FNIP2: variants seen among roughly 807,000 people sequenced by gnomAD.
The protein encoded by FNIP2 is folliculin interacting protein 2.
FNIP2 carries 32 observed loss-of-function variants against 108.7 expected under a neutral mutation model. The observed-to-expected ratio is 0.29, with a 90% confidence interval of 0.22 to 0.40. The LOEUF (loss-of-function observed/expected upper bound fraction) is 0.40. Among genes scored for constraint, FNIP2 ranks in the 10% least tolerant of loss-of-function variants. The pLI is 1.00. For synonymous variants in FNIP2, 480 were observed against 496.7 expected, an observed-to-expected ratio of 0.97 and a Z score of 0.45; for missense variants, 1,202 against 1,381.6, an observed-to-expected ratio of 0.87 and a Z score of 2.06.
intron 14 of FNIP2, among the ~76,000 whole-genome samples, chr4:158,887,825 A>T (rs1782100705): frequency 6.6e-6 from 1 of 151,938 alleles, no homozygotes; most frequent in Non-Finnish European, 1.5e-5. Flanking sequence ...GACAAATCCA[A>T]ACATAGTTTT....
At chr4:158,808,699 A>G (rs559548783) in intron 1 of FNIP2, 1 of 152,368 alleles carries the variant, frequency 6.6e-6, no homozygotes, top group Admixed American at 6.5e-5. Context: ...TGTCCAAGTC[A>G]TATGGCAGTC....
At chr4:158,864,604 C>G (rs1261935940) in intron 12 of FNIP2, among the ~76,000 whole-genome samples, 6 of 152,156 alleles carry the variant, frequency 3.9e-5, no homozygotes, top group Non-Finnish European at 5.9e-5. Context: ...TCCCCTACCT[C>G]TCTAACCCCC....
intron 16 of FNIP2, among the ~76,000 whole-genome samples, chr4:158,897,439 CTAATT>C (rs1782794388): frequency 6.6e-6 from 1 of 152,200 alleles, no homozygotes; most frequent in Non-Finnish European, 1.5e-5. Context: ...AGTGATTGAA[CTAATT>C]TAGACTCCCA....
chr4:158,789,657 G>A (rs1776338691), intron 1 of FNIP2, among the ~76,000 whole-genome samples: 1 of 152,238 alleles, frequency 6.6e-6, no homozygotes, highest in East Asian at 1.9e-4. Context: ...CCCTTGAGGA[G>A]TTCGGTTCAT....
intron 7 of FNIP2, among the ~76,000 whole-genome samples, chr4:158,847,426 T>C (rs1363385817): frequency 2.0e-5 from 3 of 152,086 alleles, no homozygotes; most frequent in Admixed American, 2.0e-4. Flanking sequence ...GATAGAGCAC[T>C]GGGCAATGTC....
At chr4:158,785,543 G>A (rs1000760774) in intron 1 of FNIP2, among the ~76,000 whole-genome samples, 1 of 151,990 alleles carries the variant, frequency 6.6e-6, no homozygotes, top group African/African-American at 2.4e-5. Context: ...TGACCAGGCT[G>A]GTCTTGAACT....
At chr4:158,831,177 A>T (rs1778462166) in intron 3 of FNIP2, among the ~76,000 whole-genome samples, 1 of 152,170 alleles carries the variant, frequency 6.6e-6, no homozygotes, top group Non-Finnish European at 1.5e-5. Flanking sequence ...TTTGACCAAG[A>T]GGGAGGAGGT....
rs546390500 is a variant in FNIP2 at position 158,904,630 on chromosome 4, A to C, written c.*86A>C. 4 of 1,177,808 alleles carry C rather than the reference A, an allele frequency of 3.4e-6. No individual in the cohort carries two copies. The highest frequency in any genetic ancestry group is 5.0e-6 in the Non-Finnish European group (4 of 805,598). The allele number at this position is 1,177,808 out of a possible 1,614,324, so 73.0% of individuals were successfully genotyped here. A position where few individuals can be genotyped will look rare whatever the true frequency, so the allele number is the denominator to read the frequency against. ...AAGGAATAAGCTCTCTGTGATGTCAAAAGCATGAGAAGAGCAAACAGAAAC... is the reference window on the plus strand; with the variant it reads ...AAGGAATAAGCTCTCTGTGATGTCACAAGCATGAGAAGAGCAAACAGAAAC... On this transcript the variant is annotated 3_prime_UTR_variant, in exon 17 of 17. Coordinates refer to ENST00000264433, the MANE Select transcript of FNIP2 (RefSeq NM_020840.3).
chr4:158,895,909 C>A, intron 16 of FNIP2, 44 bp downstream of exon 16: 2 of 1,380,360 alleles, frequency 1.4e-6, no homozygotes, highest in South Asian at 1.2e-5. Context: ...TGATAGGTAT[C>A]CCTAGCATTG....
chr4:158,863,028 C>G (rs115417481), intron 12 of FNIP2, among the ~76,000 whole-genome samples: 1 of 152,300 alleles, frequency 6.6e-6, no homozygotes, highest in Non-Finnish European at 1.5e-5. Context: ...AGAGTTTTTT[C>G]CTGTGGGTTC....
rs761692760 is a variant in FNIP2 at position 158,831,862 on chromosome 4, A to G, written c.383A>G (p.Tyr128Cys). 3.1e-6 allele frequency: 5 copies of G among 1,608,650 alleles called. No homozygotes were observed. The highest frequency in any genetic ancestry group is 4.2e-6 in the Non-Finnish European group (5 of 1,176,894). Residue 128 changes from tyrosine to cysteine, a missense_variant and splice_region_variant, in exon 4 of 17, where the codon TAC becomes TGC. By Grantham distance (194) the Tyr-to-Cys change is radical. Around this residue, in one of 5 missense-constraint regions of FNIP2, gnomAD observed 173 missense variants for 165.9 expected, o/e 1.04. Transcript: ENST00000264433. Reference sequence around the variant, plus strand: ...TTGATTTTGTTTTCTTGCATGTAGTACACAAGACCAGCTTCCGATGTCAAC... The same window carrying G: ...TTGATTTTGTTTTCTTGCATGTAGTGCACAAGACCAGCTTCCGATGTCAAC... ...HAKEQLPKYQYTRPASDVNML... is the reference protein window; with the variant it reads ...HAKEQLPKYQCTRPASDVNML...
chr4:158,789,833 A>G (rs1272625213), intron 1 of FNIP2, among the ~76,000 whole-genome samples: 1 of 152,166 alleles, frequency 6.6e-6, no homozygotes, highest in Non-Finnish European at 1.5e-5. Context: ...GTAGCCTGGC[A>G]GTGGTGGATG....
chr4:158,800,625 C>T (rs994959858), intron 1 of FNIP2, among the ~76,000 whole-genome samples: 3 of 151,952 alleles, frequency 2.0e-5, no homozygotes, highest in Admixed American at 6.6e-5. Context: ...TTAGAAAATT[C>T]GAAAATATAA....
intron 14 of FNIP2, chr4:158,871,603 A>G (rs1780952597): frequency 1.0e-6 from 1 of 985,410 alleles, no homozygotes; most frequent in Non-Finnish European, 1.2e-6. Flanking sequence ...GGATAGGGCC[A>G]TCAGAAGCTG....
intron 1 of FNIP2, among the ~76,000 whole-genome samples, chr4:158,772,216 C>A (rs186265352): frequency 6.6e-6 from 1 of 152,204 alleles, no homozygotes; most frequent in Admixed American, 6.5e-5. Context: ...AATAATGCTT[C>A]GTACCAGAAA....
intron 10 of FNIP2, 64 bp from the exon 11 acceptor site, chr4:158,861,278 C>A: frequency 6.6e-7 from 1 of 1,520,016 alleles, no homozygotes; most frequent in Non-Finnish European, 8.8e-7. Flanking sequence ...TATTCTTTTA[C>A]ACCAAGATTA....
At chr4:158,840,390 T>C (rs563652478) in intron 7 of FNIP2, among the ~76,000 whole-genome samples, 1 of 152,056 alleles carries the variant, frequency 6.6e-6, no homozygotes, top group Non-Finnish European at 1.5e-5. Context: ...CTAAAATTTG[T>C]TTTTTTGTTG....
At chr4:158,903,757 G>C (rs1331699970) in intron 16 of FNIP2, among the ~76,000 whole-genome samples, 1 of 152,102 alleles carries the variant, frequency 6.6e-6, no homozygotes, top group African/African-American at 2.4e-5. Context: ...TTACTTTGAG[G>C]AATTCAAGGG....
At position 158,807,263 on chromosome 4, in the gene FNIP2, T is replaced by C. The variant is rs566981867; in HGVS notation, c.108-18653T>C. 2.6e-5 allele frequency among the ~76,000 whole-genome samples: 4 copies of C among 152,222 alleles called. No individual in the cohort carries two copies. In the South Asian group the frequency reaches 8.3e-4, roughly 32 times the overall value. ...CTGTAATCCAAACACTTTGGGAAGC[T>C]GAGGTGGGAGGATCACTTGAGCCTA... On this transcript the variant is annotated intron_variant, in intron 1 of 16. Coordinates refer to ENST00000264433, the MANE Select transcript of FNIP2 (RefSeq NM_020840.3).
Sources: gnomAD v4.1 joint callset for allele counts (sites outside exome capture counted in the v4.1 genomes callset) on GRCh38, gnomAD v4.1.1 for gene constraint, gnomAD v4.1.1 regional missense constraint, MANE v1.5 for transcripts, NCBI Gene and HGNC (gene_info 2026-07-23, HGNC 2026-07-21) for gene names.